Variants in TENM2 observed in about 807,000 individuals in gnomAD.
The protein encoded by TENM2 is teneurin transmembrane protein 2, also known as teneurin-2.
Under a neutral mutation model 245.2 loss-of-function variants are expected in TENM2, and 52 were observed. The ratio of observed to expected loss-of-function variants is 0.21; its 90% CI spans 0.17 to 0.27. The LOEUF is 0.27. TENM2 is among the 10% of genes least tolerant of loss of function. The probability of loss-of-function intolerance (pLI) is 1.00; values close to 1 mark genes in which losing one functional copy is unlikely to be tolerated. For synonymous variants in TENM2, 1,363 were observed against 1,438.9 expected (o/e 0.95, Z 1.19); for missense variants, 3,046 against 3,666.8 (o/e 0.83, Z 4.37).
intron 2 of TENM2, among the ~76,000 whole-genome samples, chr5:167,700,798 T>G (rs1302507116): frequency 6.6e-6 from 1 of 152,200 alleles, no homozygotes; most frequent in Non-Finnish European, 1.5e-5. Flanking sequence ...TGAAGTGGTA[T>G]GTTTTGATAA....
At chr5:167,146,343 G>C in the TENM2 span, among the ~76,000 whole-genome samples, 1 of 152,300 alleles carries the variant, frequency 6.6e-6, no homozygotes, top group South Asian at 2.1e-4. Context: ...CAGGTGAGTT[G>C]ATGAGATCCC....
At chr5:167,323,349 G>A (rs965613081) in intron 1 of TENM2, among the ~76,000 whole-genome samples, 4 of 152,124 alleles carry the variant, frequency 2.6e-5, no homozygotes, top group African/African-American at 9.7e-5. Context: ...CCAAGGTTAA[G>A]CTGAAAAATA....
chr5:167,472,805 T>C (rs1767121500), intron 2 of TENM2, among the ~76,000 whole-genome samples: 1 of 152,226 alleles, frequency 6.6e-6, no homozygotes, highest in African/African-American at 2.4e-5. Context: ...TAAACCATAA[T>C]TGGAATTTGC....
At chr5:166,999,818 G>A in the TENM2 span, among the ~76,000 whole-genome samples, 1 of 152,152 alleles carries the variant, frequency 6.6e-6, no homozygotes, top group Non-Finnish European at 1.5e-5. Context: ...GCAAGGGAGT[G>A]ATGTGGAACA....
the TENM2 span, among the ~76,000 whole-genome samples, chr5:167,166,214 T>C: frequency 7.9e-5 from 12 of 152,116 alleles, no homozygotes; most frequent in Admixed American, 7.9e-4. Context: ...CACATACACA[T>C]ACAAACACAG....
chr5:167,083,561 A>G, the TENM2 span, among the ~76,000 whole-genome samples: 1 of 152,214 alleles, frequency 6.6e-6, no homozygotes, highest in East Asian at 1.9e-4. Context: ...ATGACCTTAA[A>G]TGAGGCCAGC....
At chr5:167,378,399 G>C (rs186017893) in intron 2 of TENM2, among the ~76,000 whole-genome samples, 1 of 131,622 alleles carries the variant, frequency 7.6e-6, no homozygotes, top group African/African-American at 2.9e-5. Flanking sequence ...TTTTTTGGTA[G>C]TGTAGACACC....
chr5:167,817,213 CTGA>C (rs1767127869), intron 2 of TENM2, among the ~76,000 whole-genome samples: 1 of 152,128 alleles, frequency 6.6e-6, no homozygotes, highest in Non-Finnish European at 1.5e-5. Context: ...ATATAGTGTG[CTGA>C]TATTTCTTAG....
intron 2 of TENM2, among the ~76,000 whole-genome samples, chr5:167,402,234 A>C (rs2127387598): frequency 6.6e-6 from 1 of 152,284 alleles, no homozygotes; most frequent in Non-Finnish European, 1.5e-5. Context: ...CCATTTTAAA[A>C]GGTTGTTGTG....
intron 1 of TENM2, among the ~76,000 whole-genome samples, chr5:167,362,219 G>A (rs999751599): frequency 6.6e-6 from 1 of 152,210 alleles, no homozygotes; most frequent in Non-Finnish European, 1.5e-5. Context: ...CTTAATGGAT[G>A]CTAACACGCA....
At chr5:167,754,168 G>A (rs964006855) in intron 2 of TENM2, among the ~76,000 whole-genome samples, 1 of 152,172 alleles carries the variant, frequency 6.6e-6, no homozygotes, top group Non-Finnish European at 1.5e-5. Context: ...ATGGATAGTT[G>A]TTTCCCTATA....
chr5:168,011,760 T>C (rs1785238400), intron 5 of TENM2, among the ~76,000 whole-genome samples: 1 of 152,066 alleles, frequency 6.6e-6, no homozygotes, highest in African/African-American at 2.4e-5. Flanking sequence ...ACTGAAGAGG[T>C]ATAATGAAAA....
chr5:168,263,056 G>GAC, downstream of TENM2: 1 of 452,674 alleles, frequency 2.2e-6, no homozygotes, highest in Non-Finnish European at 3.9e-6. Context: ...TGAATGAACA[G>GAC]ACACACACAA....
intron 2 of TENM2, among the ~76,000 whole-genome samples, chr5:167,572,231 G>A (rs963603811): frequency 2.0e-5 from 3 of 152,206 alleles, no homozygotes; most frequent in African/African-American, 7.2e-5. Context: ...TTTGGGCACA[G>A]CAATGTGGCC....
chr5:166,995,643 C>G, the TENM2 span, among the ~76,000 whole-genome samples: 1 of 151,240 alleles, frequency 6.6e-6, no homozygotes, highest in Non-Finnish European at 1.5e-5. Flanking sequence ...TGGTGAAACC[C>G]CATCTCTACT....
At chr5:167,931,103 A>G (rs1003523058) in intron 3 of TENM2, among the ~76,000 whole-genome samples, 12 of 152,234 alleles carry the variant, frequency 7.9e-5, no homozygotes, top group African/African-American at 1.4e-4. Flanking sequence ...AAGCATTGCC[A>G]TTTGTAATCA....
chr5:168,018,956 G>A (rs1225015136), intron 5 of TENM2, among the ~76,000 whole-genome samples: 2 of 152,178 alleles, frequency 1.3e-5, no homozygotes, highest in African/African-American at 4.8e-5. Flanking sequence ...GCATGGAAGT[G>A]AGCACGGGGA....
intron 2 of TENM2, among the ~76,000 whole-genome samples, chr5:167,559,827 G>A (rs1163772925): frequency 6.6e-6 from 1 of 152,186 alleles, no homozygotes; most frequent in Non-Finnish European, 1.5e-5. Flanking sequence ...TCAATGGGTA[G>A]GTGTTTTCGT....
At chr5:167,249,725 C>G in the TENM2 span, among the ~76,000 whole-genome samples, 141,625 of 152,202 alleles carry the variant, frequency 0.93, 65,906 homozygotes, top group East Asian at 0.98. Flanking sequence ...TGGAGCAAGC[C>G]GTCCTATCAA....
Sources: gnomAD v4.1 joint callset for allele counts (sites outside exome capture counted in the v4.1 genomes callset) on GRCh38, gnomAD v4.1.1 for gene constraint, MANE v1.5 for transcripts, NCBI Gene and HGNC (gene_info 2026-07-23, HGNC 2026-07-21) for gene names.